The following PTPRC variants were observed in gnomAD, a reference collection of about 807,000 sequenced individuals.
The protein encoded by PTPRC is receptor-type tyrosine-protein phosphatase C.
Under a neutral mutation model 155.9 loss-of-function variants are expected in PTPRC, and 44 were observed. The observed-to-expected ratio is 0.28, with a 90% CI of 0.22 to 0.36. The LOEUF is 0.36. PTPRC is among the 10% of genes least tolerant of loss of function. The pLI is 1.00. For synonymous variants in PTPRC, 525 were observed against 533.1 expected (o/e 0.98, Z 0.21); for missense variants, 1,401 against 1,564.6 (o/e 0.90, Z 1.76).
intron 2 of PTPRC, among the ~76,000 whole-genome samples, chr1:198,660,072 C>CT (rs1228515365): frequency 6.4e-5 from 6 of 94,358 alleles, no homozygotes; most frequent in South Asian, 3.3e-4. Flanking sequence ...TATATATGAT[C>CT]TTTTTTTTGA....
intron 2 of PTPRC, among the ~76,000 whole-genome samples, chr1:198,646,517 T>G (rs1360362851): frequency 1.3e-5 from 2 of 151,878 alleles, no homozygotes; most frequent in Non-Finnish European, 2.9e-5. Context: ...AAATATAATT[T>G]ATGTAATTTT....
At chr1:198,701,121 C>T (rs1666439318) in intron 5 of PTPRC, among the ~76,000 whole-genome samples, 1 of 152,130 alleles carries the variant, frequency 6.6e-6, no homozygotes, top group Non-Finnish European at 1.5e-5. Context: ...CTCTGGGGAT[C>T]CAGAGTGGAA....
chr1:198,690,153 C>A (rs1234561393), intron 2 of PTPRC, among the ~76,000 whole-genome samples: 1 of 152,148 alleles, frequency 6.6e-6, no homozygotes, highest in Non-Finnish European at 1.5e-5. Flanking sequence ...TATGTTCACA[C>A]ACTCAAAAAC....
At chr1:198,668,250 T>A (rs1664436732) in intron 2 of PTPRC, among the ~76,000 whole-genome samples, 2 of 152,076 alleles carry the variant, frequency 1.3e-5, no homozygotes, top group Admixed American at 6.6e-5. Flanking sequence ...CTCACTATAT[T>A]CCCCAGGCTG....
intron 31 of PTPRC, among the ~76,000 whole-genome samples, chr1:198,754,003 T>C (rs542938353): frequency 1.3e-5 from 2 of 152,116 alleles, no homozygotes; most frequent in African/African-American, 4.8e-5. Flanking sequence ...TGCATTAAAA[T>C]CCATAAAATA....
chr1:198,653,383 CTA>C (rs1242339605), intron 2 of PTPRC, among the ~76,000 whole-genome samples: 2 of 151,696 alleles, frequency 1.3e-5, no homozygotes, highest in East Asian at 3.9e-4. Flanking sequence ...GTTACCACTA[CTA>C]TGATTAGTTT....
At chr1:198,679,972 G>C in intron 2 of PTPRC, 1 of 624,108 alleles carries the variant, frequency 1.6e-6, no homozygotes, top group Non-Finnish European at 2.9e-6. Context: ...GACATGCAGC[G>C]AGTGCTGCGG....
Position 198,752,705 on chromosome 1 carries a change from C to G in PTPRC, c.3442C>G (p.Leu1148Val). Reference sequence around the variant, plus strand: ...TATGATTCAGGTCGTCAAACAAAAACTTCCCCAGAAGAATTCCTCTGAAGG... The same window carrying G: ...TATGATTCAGGTCGTCAAACAAAAAGTTCCCCAGAAGAATTCCTCTGAAGG... ...ISMIQVVKQK[L>V]PQKNSSEGNK... The change falls in exon 31 of 33, where the codon CTT becomes GTT. Residue 1148 changes from leucine to valine, a missense_variant. Coordinates refer to ENST00000442510, the MANE Select transcript of PTPRC (RefSeq NM_002838.5). The G allele has an allele frequency of 6.2e-7, 1 of 1,612,996 alleles. No individual in the cohort carries two copies. The highest frequency in any genetic ancestry group is 1.3e-5 in the African/African-American group (1 of 74,976).
chr1:198,687,701 G>T (rs565154411), intron 2 of PTPRC, among the ~76,000 whole-genome samples: 1 of 151,976 alleles, frequency 6.6e-6, no homozygotes, highest in Non-Finnish European at 1.5e-5. Flanking sequence ...CCTACTTTAA[G>T]ACTGGTAAAA....
At chr1:198,733,462 G>T (rs1654488269) in intron 20 of PTPRC, among the ~76,000 whole-genome samples, 1 of 151,788 alleles carries the variant, frequency 6.6e-6, no homozygotes, top group Non-Finnish European at 1.5e-5. Flanking sequence ...GTTTCAGGAA[G>T]TTACTTAAAT....
intron 2 of PTPRC, chr1:198,660,624 T>C (rs1663909824): frequency 6.6e-6 from 1 of 152,002 alleles, no homozygotes. Flanking sequence ...TCAACTTACC[T>C]TTTTGAAAGA....
chr1:198,718,326 C>T, intron 14 of PTPRC, 24 bp downstream of exon 14: 1 of 1,534,510 alleles, frequency 6.5e-7, no homozygotes, highest in South Asian at 1.1e-5. Context: ...CTCTACATTA[C>T]TATAGTACCA....
chr1:198,742,054 C>A (rs201509006), intron 24 of PTPRC, 28 bp downstream of exon 24: 253 of 1,503,674 alleles, frequency 1.7e-4, no homozygotes, highest in African/African-American at 1.4e-3. Flanking sequence ...AAAAAAAAAA[C>A]AACAACAAAA....
intron 14 of PTPRC, among the ~76,000 whole-genome samples, chr1:198,719,769 C>T (rs1457167485): frequency 6.6e-6 from 1 of 151,998 alleles, no homozygotes; most frequent in Non-Finnish European, 1.5e-5. Context: ...TGCCACCACA[C>T]CTGGCAAATT....
chr1:198,748,815 C>A lies in PTPRC; in HGVS notation c.2939-601C>A, dbSNP rs1655251360. ...AACACAAGTTGATAAATTAGATGAC[C>A]AAATAAATCAGATCAGTGCATGGTT... On this transcript the variant is annotated intron_variant, in intron 27 of 32. Coordinates refer to ENST00000442510, the MANE Select transcript of PTPRC (RefSeq NM_002838.5). 2.0e-5 allele frequency among the ~76,000 whole-genome samples: 3 copies of A among 151,524 alleles called. No individual in the cohort carries two copies. In the South Asian group the frequency reaches 6.2e-4, roughly 31 times the overall value.
chr1:198,689,181 T>C (rs1019126829), intron 2 of PTPRC, among the ~76,000 whole-genome samples: 3 of 152,180 alleles, frequency 2.0e-5, no homozygotes, highest in African/African-American at 7.2e-5. Context: ...ATCATGTATT[T>C]CTTTTAAAAA....
Position 198,699,729 on chromosome 1 carries a change from C to T in PTPRC, c.439+25C>T, listed in dbSNP as rs192952206. ...GGTTTGCGGGTCCTTTAGACTTGTG[C>T]AAATATGAAAAGTACATGACGACTA... On this transcript the variant is annotated intron_variant, in intron 5 of 32. Transcript: ENST00000442510. The T allele has an allele frequency of 5.6e-4, 902 of 1,613,892 alleles. 1 individual carries two copies. The highest frequency in any genetic ancestry group is 7.8e-4 in the Admixed American group (47 of 60,018).
intron 12 of PTPRC, among the ~76,000 whole-genome samples, chr1:198,715,418 T>A (rs1297375701): frequency 6.6e-6 from 1 of 151,930 alleles, no homozygotes; most frequent in African/African-American, 2.4e-5. Context: ...TTTCCTCACA[T>A]TTTTAGCTTA....
At chr1:198,709,580 C>A in intron 10 of PTPRC, 107 bp from the exon 11 acceptor site, 1 of 989,198 alleles carries the variant, frequency 1.0e-6, no homozygotes. Context: ...ACAGATGTTT[C>A]AATCTGATAA....
Sources: allele counts gnomAD v4.1 joint callset (sites outside exome capture counted in the v4.1 genomes callset), GRCh38; gene constraint gnomAD v4.1.1; transcripts MANE v1.5; gene names NCBI Gene and HGNC (gene_info 2026-07-23, HGNC 2026-07-21).